The following SMARCA2 variants were observed in gnomAD, a reference collection of about 807,000 sequenced individuals.
SMARCA2 encodes the protein SWI/SNF-related matrix-associated actin-dependent regulator of chromatin subfamily A member 2.
A neutral mutation model predicts 199.8 loss-of-function variants in SMARCA2; 61 were observed. The ratio of observed to expected loss-of-function variants is 0.31; its 90% CI spans 0.25 to 0.38. The LOEUF (loss-of-function observed/expected upper bound fraction) is 0.38. Among genes scored for constraint, SMARCA2 ranks in the 10% least tolerant of loss-of-function variants. The pLI, the probability that SMARCA2 is intolerant of heterozygous loss-of-function variation, is 1.00. For synonymous variants in SMARCA2, 935 were observed against 732.0 expected (o/e 1.28, Z -4.48); for missense variants, 1,344 against 2,012.2 (o/e 0.67, Z 6.35).
At chr9:2,061,362 A>G (rs113790816) in intron 9 of SMARCA2, among the ~76,000 whole-genome samples, 1,613 of 152,266 alleles carry the variant, frequency 0.011, 24 homozygotes, top group African/African-American at 0.037. Flanking sequence ...TAAGAAGAAA[A>G]TGCAGTGTAC....
intron 9 of SMARCA2, chr9:2,068,823 T>C (rs147604076): frequency 6.6e-6 from 1 of 152,162 alleles, no homozygotes; most frequent in Non-Finnish European, 1.5e-5. Flanking sequence ...AGATTTCACT[T>C]GTCAGAGAGG....
chr9:2,188,444 C>T (rs372181265), intron 32 of SMARCA2, among the ~76,000 whole-genome samples: 12 of 152,058 alleles, frequency 7.9e-5, no homozygotes, highest in East Asian at 7.7e-4. Flanking sequence ...GTGATTCTGC[C>T]TTTTATTTGT....
intron 20 of SMARCA2, chr9:2,097,084 T>C: frequency 2.0e-6 from 1 of 493,546 alleles, no homozygotes; most frequent in East Asian, 3.5e-5. Flanking sequence ...TGGGCATCTG[T>C]TCTGTGCTTC....
In SMARCA2 at chr9:2,104,515, T is replaced by G. The variant is rs550198409; in HGVS notation, c.3292+346T>G. On this transcript the variant is annotated intron_variant, in intron 23 of 33. Transcript: ENST00000349721. This position sits in a 1 kb window ranked among gnomAD's most constrained non-coding sequence, Gnocchi z 4.0. ...AGATATAGAATACATTGACACACCT[T>G]TAACTTTTTCAGTTAAGGCATATTT... Among the ~76,000 whole-genome samples the G allele has an allele frequency of 1.1e-3, 163 of 152,364 alleles. No homozygotes were observed. The highest frequency in any genetic ancestry group is 3.8e-3 in the African/African-American group (157 of 41,590).
At chr9:2,116,382 A>T (rs1340854161) in intron 25 of SMARCA2, among the ~76,000 whole-genome samples, 1 of 152,224 alleles carries the variant, frequency 6.6e-6, no homozygotes, top group Non-Finnish European at 1.5e-5. Flanking sequence ...GGACAAAATC[A>T]GCCGGACGAG....
intron 13 of SMARCA2, among the ~76,000 whole-genome samples, chr9:2,076,549 C>T (rs1393951445): frequency 6.6e-6 from 1 of 151,722 alleles, no homozygotes; most frequent in Non-Finnish European, 1.5e-5. Flanking sequence ...CCTTTCTTCC[C>T]TTTCTTTCTC....
intron 27 of SMARCA2, among the ~76,000 whole-genome samples, chr9:2,138,182 A>C (rs1259359388): frequency 1.6e-5 from 2 of 123,402 alleles, no homozygotes; most frequent in African/African-American, 9.8e-5. Context: ...CAACAACAAC[A>C]ACAAAAAAAA....
At chr9:2,112,055 T>G (rs1586717565) in intron 24 of SMARCA2, among the ~76,000 whole-genome samples, 2 of 152,358 alleles carry the variant, frequency 1.3e-5, no homozygotes, top group South Asian at 4.1e-4. Flanking sequence ...ATTCCAAGGC[T>G]CAGGTAGAAT....
In SMARCA2 at chr9:2,086,292, C is replaced by A. The variant is rs12351025; in HGVS notation, c.2527-537C>A. Among the ~76,000 whole-genome samples the A allele has an allele frequency of 6.6e-6, 1 of 152,218 alleles. No individual in the cohort carries two copies. Among genetic ancestry groups the A allele is most frequent in the Non-Finnish European group, 1.5e-5 (1 of 68,018 alleles). ...GTCCAAACAAAACAAAACACACTTCCGGGCCAAGCCCTAAAGGTAGTAACC... is the reference window on the plus strand; with the variant it reads ...GTCCAAACAAAACAAAACACACTTCAGGGCCAAGCCCTAAAGGTAGTAACC... On this transcript the variant is annotated intron_variant, in intron 17 of 33. Coordinates refer to ENST00000349721, the MANE Select transcript of SMARCA2 (RefSeq NM_003070.5). The surrounding 1 kb of genome is among the most constrained non-coding windows in gnomAD (Gnocchi z 4.3).
In SMARCA2 at chr9:2,051,997, C is replaced by G. The variant is rs1055465592; in HGVS notation, c.1047-2600C>G. On this transcript the variant is annotated intron_variant, in intron 5 of 33. Transcript: ENST00000349721. ...TGTTTCATATAGTGAAAATTAAAAA[C>G]CACGGTAATAATCTCACGAGTATCA... is the stretch of plus-strand genomic sequence containing the variant. 7.9e-5 allele frequency among the ~76,000 whole-genome samples: 12 copies of G among 152,254 alleles called. No individual in the cohort carries two copies. In the East Asian group the frequency reaches 2.1e-3, roughly 27 times the overall value.
intron 19 of SMARCA2, among the ~76,000 whole-genome samples, chr9:2,089,732 G>T (rs957563576): frequency 6.6e-6 from 1 of 152,164 alleles, no homozygotes; most frequent in Non-Finnish European, 1.5e-5. Context: ...TGGCCTCTGG[G>T]TAGCACCCTT....
At chr9:2,186,472 G>A (rs908347861) in intron 32 of SMARCA2, among the ~76,000 whole-genome samples, 1 of 152,032 alleles carries the variant, frequency 6.6e-6, no homozygotes, top group Non-Finnish European at 1.5e-5. Flanking sequence ...GCATAGGCTG[G>A]GCTCCTAGCA....
In SMARCA2 at chr9:2,123,591, C is replaced by T. The variant is rs1377358832; in HGVS notation, c.3763-128C>T. The T allele has an allele frequency of 3.8e-6, 3 of 796,562 alleles. No individual in the cohort carries two copies. The highest frequency in any genetic ancestry group is 6.4e-6 in the Non-Finnish European group (3 of 466,932). 49.3% of individuals were successfully genotyped at this position (796,562 alleles called of 1,614,324 possible). A position where few individuals can be genotyped will look rare whatever the true frequency, so the allele number is the denominator to read the frequency against. ...TTAGGGATGAGCTAGAACAAGCCAA[C>T]CAGGATGAGAGAGGTTGAAAGGGAC... On this transcript the variant is annotated intron_variant, in intron 26 of 33. Transcript: ENST00000349721. The surrounding 1 kb of genome is among the most constrained non-coding windows in gnomAD (Gnocchi z 4.1).
chr9:2,031,649 C>A (rs1052256627), intron 2 of SMARCA2, among the ~76,000 whole-genome samples: 1 of 152,076 alleles, frequency 6.6e-6, no homozygotes, highest in East Asian at 1.9e-4. Flanking sequence ...TCTCTCTACC[C>A]TCTTAAATAC....
rs1826115002 is a variant in SMARCA2 at position 2,169,362 on chromosome 9, T to G, written c.4200-1057T>G. On this transcript the variant is annotated intron_variant, in intron 28 of 33. Transcript: ENST00000349721. The surrounding 1 kb of genome is among the most constrained non-coding windows in gnomAD (Gnocchi z 6.5). ...GTTGCCTACCCGATGATGACCAGAC[T>G]TCTTAGCGTAGGAGAATTGTTATCT... Among the ~76,000 whole-genome samples, 1 of 152,206 alleles carries G rather than the reference T, an allele frequency of 6.6e-6. No homozygotes were observed. Among genetic ancestry groups the G allele is most frequent in the Non-Finnish European group, 1.5e-5 (1 of 68,032 alleles).
intron 27 of SMARCA2, among the ~76,000 whole-genome samples, chr9:2,147,169 T>G (rs1011031114): frequency 6.7e-6 from 1 of 148,334 alleles, no homozygotes; most frequent in Non-Finnish European, 1.5e-5. Context: ...AGGATACAGC[T>G]CATAACTATT....
chr9:2,033,888 A>G (rs1348163640), intron 3 of SMARCA2, among the ~76,000 whole-genome samples: 1 of 152,154 alleles, frequency 6.6e-6, no homozygotes, highest in Non-Finnish European at 1.5e-5. Flanking sequence ...TATGGGGGCC[A>G]TTCATTGGAT....
intron 26 of SMARCA2, among the ~76,000 whole-genome samples, chr9:2,122,153 G>A (rs1823488310): frequency 2.0e-5 from 3 of 152,236 alleles, no homozygotes; most frequent in South Asian, 4.1e-4. Context: ...TTTTCTATCA[G>A]AAAAGATTTA....
intron 27 of SMARCA2, among the ~76,000 whole-genome samples, chr9:2,132,490 A>C (rs1366689263): frequency 6.6e-6 from 1 of 152,218 alleles, no homozygotes; most frequent in African/African-American, 2.4e-5. Context: ...CATAATGTGC[A>C]TCATGTTTGT....
Sources: gnomAD v4.1 joint callset for allele counts (sites outside exome capture counted in the v4.1 genomes callset) on GRCh38, gnomAD v4.1.1 for gene constraint, Gnocchi (gnomAD v3.1) non-coding constraint, MANE v1.5 for transcripts, NCBI Gene and HGNC (gene_info 2026-07-23, HGNC 2026-07-21) for gene names.